The following PRMT7 variants were observed in gnomAD, a reference collection of about 807,000 sequenced individuals.
PRMT7 encodes the protein protein arginine N-methyltransferase 7.
Under a neutral mutation model 85.4 loss-of-function variants are expected in PRMT7, and 75 were observed. The observed-to-expected ratio is 0.88, with a 90% CI of 0.73 to 1.06. The LOEUF (loss-of-function observed/expected upper bound fraction) is 1.06, where lower values mean the gene tolerates loss of function less well. PRMT7 is among the 50% of genes least tolerant of loss of function. PRMT7 has a pLI of 0.00. For synonymous variants in PRMT7, 397 were observed against 359.5 expected (o/e 1.10, Z -1.18); for missense variants, 868 against 915.2 (o/e 0.95, Z 0.67).
rs1361287335 is a variant in PRMT7 at position 68,321,605 on chromosome 16, CTG to C, written c.132+144_132+145del. The C allele has an allele frequency of 5.8e-6, 4 of 685,378 alleles. No individual in the cohort carries two copies. In the African/African-American group the frequency reaches 7.3e-5, roughly 13 times the overall value. 42.5% of individuals were successfully genotyped at this position (685,378 alleles called of 1,614,324 possible). On this transcript the variant is annotated intron_variant, in intron 4 of 18. Transcript: ENST00000441236. ...AGAAGTCAGGAAATCAGTTGGGAGA[CTG>C]GGTCCTACTTCTGGCTCTATTTTTG...
At chr16:68,318,700 ATAT>A (rs2082156663) in intron 3 of PRMT7, 3 of 152,030 alleles carry the variant, frequency 2.0e-5, no homozygotes, top group Admixed American at 2.0e-4. Flanking sequence ...CACCTGGCTA[ATAT>A]TTGTGTTTTT....
At chr16:68,324,934 C>T in intron 5 of PRMT7, 102 bp downstream of exon 5, 1 of 1,470,430 alleles carries the variant, frequency 6.8e-7, no homozygotes, top group Non-Finnish European at 9.3e-7. Flanking sequence ...TCATGGAGTG[C>T]TCACTCTGTG....
chr16:68,343,133 G>A (rs1236546351), intron 9 of PRMT7, among the ~76,000 whole-genome samples: 10 of 152,134 alleles, frequency 6.6e-5, no homozygotes, highest in Admixed American at 6.5e-4. Flanking sequence ...CAACCTGGGA[G>A]GTGGAGGTTG....
At chr16:68,348,705 C>T (rs1412722080) in intron 14 of PRMT7, among the ~76,000 whole-genome samples, 7 of 144,082 alleles carry the variant, frequency 4.9e-5, no homozygotes, top group African/African-American at 1.1e-4. Flanking sequence ...TGCAGTGGCA[C>T]GATCTTGGCT....
intron 4 of PRMT7, among the ~76,000 whole-genome samples, chr16:68,322,142 A>G (rs1333232463): frequency 6.6e-6 from 1 of 152,144 alleles, no homozygotes; most frequent in Non-Finnish European, 1.5e-5. Flanking sequence ...TATTGGGATT[A>G]TAACTTGGGA....
chr16:68,348,548 A>G, intron 14 of PRMT7, 117 bp downstream of exon 14: 1 of 626,388 alleles, frequency 1.6e-6, no homozygotes, highest in South Asian at 2.5e-5. Flanking sequence ...TCCACATGCA[A>G]CCTTACCTCC....
At chr16:68,344,491 C>T (rs999371798) in intron 9 of PRMT7, among the ~76,000 whole-genome samples, 7 of 152,164 alleles carry the variant, frequency 4.6e-5, no homozygotes, top group South Asian at 2.1e-4. Flanking sequence ...GATGTCTGTC[C>T]GTATTCTGCA....
At chr16:68,320,977 C>CA (rs1005840392) in intron 3 of PRMT7, among the ~76,000 whole-genome samples, 9 of 151,244 alleles carry the variant, frequency 6.0e-5, no homozygotes, top group Admixed American at 4.0e-4. Flanking sequence ...TAAAAATAAA[C>CA]AAAAAAATAG....
At chr16:68,346,105 C>G (rs750517465) in intron 10 of PRMT7, 40 bp from the exon 11 acceptor site, 1 of 1,609,054 alleles carries the variant, frequency 6.2e-7, no homozygotes, top group Admixed American at 1.7e-5. Context: ...CCTGTGGAGG[C>G]GCTCACAGCC....
chr16:68,356,793 C>T lies in PRMT7; in HGVS notation c.1904C>T (p.Pro635Leu). 2 of 1,607,172 alleles carry T rather than the reference C, an allele frequency of 1.2e-6. No individual in the cohort carries two copies. The highest frequency in any genetic ancestry group is 2.2e-5 in the South Asian group (2 of 90,004). The change falls in exon 18 of 19, where the codon CCC becomes CTC. Residue 635 changes from proline (P) to leucine (L), a missense_variant. Coordinates refer to ENST00000441236, the MANE Select transcript of PRMT7 (RefSeq NM_019023.5). ...LSTGLLEPAD[P>L]EGGCCWNPHC... Reference sequence around the variant, plus strand: ...ACTGGCCTCCTGGAGCCTGCAGACCCCGAGGTAGTGCCTGCGCACCGGGCC... The same window carrying T: ...ACTGGCCTCCTGGAGCCTGCAGACCTCGAGGTAGTGCCTGCGCACCGGGCC...
intron 5 of PRMT7, among the ~76,000 whole-genome samples, chr16:68,327,045 A>C (rs1236225293): frequency 6.6e-6 from 1 of 152,230 alleles, no homozygotes; most frequent in African/African-American, 2.4e-5. Flanking sequence ...ATAGATGATG[A>C]AGATTTTTCT....
At chr16:68,333,703 T>C (rs1223304465) in intron 6 of PRMT7, among the ~76,000 whole-genome samples, 1 of 152,170 alleles carries the variant, frequency 6.6e-6, no homozygotes, top group Non-Finnish European at 1.5e-5. Context: ...TGAAGTATGC[T>C]GACTCTGCCT....
chr16:68,312,978 C>T (rs544922560), intron 2 of PRMT7, among the ~76,000 whole-genome samples: 1 of 152,330 alleles, frequency 6.6e-6, no homozygotes, highest in Non-Finnish European at 1.5e-5. Context: ...GCACCTGCCA[C>T]CATGCTGGCT....
At position 68,337,452 on chromosome 16, in the gene PRMT7, T is replaced by C; in HGVS notation, c.392-7T>C. On this transcript the variant is annotated splice_region_variant and splice_polypyrimidine_tract_variant and intron_variant, in intron 6 of 18. Coordinates refer to ENST00000441236, the MANE Select transcript of PRMT7 (RefSeq NM_019023.5). ...TATGTCCAACTCTGTTTTCTTGTGTTTTTCAGAGGGTGACATGCCATGCCG... is the reference window on the plus strand; with the variant it reads ...TATGTCCAACTCTGTTTTCTTGTGTCTTTCAGAGGGTGACATGCCATGCCG... 6.3e-7 allele frequency: 1 copy of C among 1,599,478 alleles called. No homozygotes were observed. The highest frequency in any genetic ancestry group is 8.5e-7 in the Non-Finnish European group (1 of 1,172,248).
intron 16 of PRMT7, chr16:68,354,783 G>C (rs969967782): frequency 2.0e-5 from 3 of 152,410 alleles, no homozygotes; most frequent in African/African-American, 7.2e-5. Context: ...GTGTGCTAAG[G>C]CAGATGGCCG....
Position 68,358,102 on chromosome 16 carries a change from C to A in PRMT7, c.*878C>A, listed in dbSNP as rs1029413801. On this transcript the variant is annotated 3_prime_UTR_variant, in exon 19 of 19. Coordinates refer to ENST00000441236, the MANE Select transcript of PRMT7 (RefSeq NM_019023.5). ...AGCTCTCAGAGGTAACAGCAGACAC[C>A]ACGTGAGAGAACCCAGTGGCCTCTG... 2 of 152,288 alleles carry A rather than the reference C, an allele frequency of 1.3e-5. No homozygotes were observed. Among genetic ancestry groups the A allele is most frequent in the African/African-American group, 4.8e-5 (2 of 41,460 alleles). 9.4% of individuals were successfully genotyped at this position (152,288 alleles called of 1,614,324 possible).
In PRMT7 at chr16:68,345,713, A is replaced by T; in HGVS notation, c.966A>T (p.Pro322=). The change falls in exon 10 of 19, where the codon CCA becomes CCT. Residue 322 remains proline, a synonymous_variant. Coordinates refer to ENST00000441236, the MANE Select transcript of PRMT7 (RefSeq NM_019023.5). ...DHWMQCVYFL[P]QEEPVVQGSA... ...GGATGCAGTGTGTGTACTTCCTGCC[A>T]CAAGAGGAGCCTGTGGTGCAGGGCT... 6.2e-7 allele frequency: 1 copy of T among 1,613,752 alleles called. No homozygotes were observed. The highest frequency in any genetic ancestry group is 8.5e-7 in the Non-Finnish European group (1 of 1,180,002).
intron 9 of PRMT7, among the ~76,000 whole-genome samples, chr16:68,340,327 TCTC>T (rs2085319728): frequency 6.6e-6 from 1 of 151,860 alleles, no homozygotes; most frequent in African/African-American, 2.4e-5. Flanking sequence ...GGCCTCAAAA[TCTC>T]CTTTCTCCAC....
chr16:68,357,343 GAA>G lies in PRMT7; in HGVS notation c.*121_*122del. On this transcript the variant is annotated 3_prime_UTR_variant, in exon 19 of 19. Transcript: ENST00000441236. ...GGGAGCTGCTCGGCCTCAGGGATGG[GAA>G]AGACTGCGCCGTGTTGCATCTTGTT... 9.1e-7 allele frequency: 1 copy of G among 1,102,336 alleles called. No homozygotes were observed. Among genetic ancestry groups the G allele is most frequent in the Non-Finnish European group, 1.3e-6 (1 of 774,922 alleles). The allele number at this position is 1,102,336 out of a possible 1,614,324, so 68.3% of individuals were successfully genotyped here. A position where few individuals can be genotyped will look rare whatever the true frequency, so the allele number is the denominator to read the frequency against.
Sources: allele counts gnomAD v4.1 joint callset (sites outside exome capture counted in the v4.1 genomes callset), GRCh38; gene constraint gnomAD v4.1.1; transcripts MANE v1.5; gene names NCBI Gene and HGNC (gene_info 2026-07-23, HGNC 2026-07-21).